Variants in NUP58 observed in about 807,000 individuals in gnomAD.
NUP58 encodes nucleoporin p58/p45.
A neutral mutation model predicts 70.1 loss-of-function variants in NUP58; 17 were observed. The ratio of observed to expected loss-of-function variants is 0.24; its 90% CI spans 0.17 to 0.36. The LOEUF (loss-of-function observed/expected upper bound fraction) is 0.36, where lower values mean the gene tolerates loss of function less well. Among genes scored for constraint, NUP58 ranks in the 10% least tolerant of loss-of-function variants. The pLI, the probability that NUP58 is intolerant of heterozygous loss-of-function variation, is 1.00. For synonymous variants in NUP58, 275 were observed against 257.6 expected (o/e 1.07, Z -0.65); for missense variants, 644 against 701.5 (o/e 0.92, Z 0.93).
At chr13:25,333,257 T>C in intron 13 of NUP58, 1 of 985,402 alleles carries the variant, frequency 1.0e-6, no homozygotes, top group Non-Finnish European at 1.2e-6. Flanking sequence ...GTGCCTACTA[T>C]GTGCTGGGCT....
At chr13:25,308,201 G>C (rs1171190271) in intron 2 of NUP58, 1 of 312,098 alleles carries the variant, frequency 3.2e-6, no homozygotes, top group Non-Finnish European at 5.8e-6. Context: ...ATATAATGTA[G>C]TGTTTTTCCT....
intron 1 of NUP58, among the ~76,000 whole-genome samples, chr13:25,305,113 G>GT (rs2030256589): frequency 7.3e-6 from 1 of 137,518 alleles, no homozygotes; most frequent in Non-Finnish European, 1.5e-5. Flanking sequence ...AAGACTAAAT[G>GT]TTTAAAGATC....
intron 3 of NUP58, among the ~76,000 whole-genome samples, chr13:25,347,771 A>T (rs1187309458): frequency 6.6e-6 from 1 of 152,200 alleles, no homozygotes; most frequent in Non-Finnish European, 1.5e-5. Flanking sequence ...GCATTAATAA[A>T]AATTCTTTCA....
At chr13:25,345,410 G>A (rs1372050313), downstream of NUP58, among the ~76,000 whole-genome samples, 4 of 152,206 alleles carry the variant, frequency 2.6e-5, no homozygotes, top group South Asian at 6.2e-4. Flanking sequence ...AGTAAGGTAA[G>A]TACCTAGGTC....
intron 1 of NUP58, among the ~76,000 whole-genome samples, chr13:25,306,086 T>G (rs2030340388): frequency 6.6e-6 from 1 of 152,182 alleles, no homozygotes; most frequent in Non-Finnish European, 1.5e-5. Flanking sequence ...TAATTCATCC[T>G]GTGCTCTGAA....
At chr13:25,332,968 A>T in intron 13 of NUP58, 3 of 985,352 alleles carry the variant, frequency 3.0e-6, no homozygotes, top group Non-Finnish European at 3.6e-6. Context: ...CCTAAAGTAG[A>T]TAAGTGTAGA....
In NUP58 at chr13:25,304,643, A is replaced by T. The variant is rs528233972; in HGVS notation, c.107+2763A>T. ...GCAATTCTCCTGCCTCAGCCTCCCA[A>T]ATAGCTGGGATTACAGGCACGCCAC... is the stretch of plus-strand genomic sequence containing the variant. On this transcript the variant is annotated intron_variant, in intron 1 of 15. Transcript: ENST00000381736. Among the ~76,000 whole-genome samples the T allele has an allele frequency of 1.6e-3, 235 of 150,930 alleles. 1 individual carries two copies. Among genetic ancestry groups the T allele is most frequent in the African/African-American group, 5.6e-3 (229 of 41,104 alleles).
intron 9 of NUP58, among the ~76,000 whole-genome samples, chr13:25,321,779 T>TG (rs367931330): frequency 5.4e-4 from 82 of 152,172 alleles, no homozygotes; most frequent in South Asian, 2.9e-3. Context: ...TAGCCAGGCG[T>TG]GGTGGTGCAT....
At chr13:25,336,895 TG>T in intron 13 of NUP58, 40 bp from the exon 14 acceptor site, 1 of 1,309,636 alleles carries the variant, frequency 7.6e-7, no homozygotes, top group Non-Finnish European at 1.1e-6. Flanking sequence ...AAGGCAAATT[TG>T]TTTTTTTTCC....
intron 13 of NUP58, chr13:25,335,213 A>G (rs969610339): frequency 8.1e-6 from 8 of 985,074 alleles, no homozygotes; most frequent in African/African-American, 1.7e-5. Context: ...TCTTGTCATC[A>G]TTAGATATGA....
chr13:25,306,954 T>C (rs1029508810), intron 1 of NUP58, among the ~76,000 whole-genome samples: 1 of 152,204 alleles, frequency 6.6e-6, no homozygotes, highest in Admixed American at 6.5e-5. Flanking sequence ...ATGTCCCCAC[T>C]AGTTTTTCTA....
chr13:25,323,515 TA>T (rs2031274103), intron 9 of NUP58, among the ~76,000 whole-genome samples: 2 of 152,292 alleles, frequency 1.3e-5, no homozygotes, highest in South Asian at 4.1e-4. Flanking sequence ...AATACTCTAC[TA>T]AGAGTCTAGT....
chr13:25,320,332 ATTG>A, intron 7 of NUP58, 195 bp from the exon 8 acceptor site: 3 of 433,482 alleles, frequency 6.9e-6, no homozygotes, highest in Non-Finnish European at 1.2e-5. Context: ...TGTCAGATGA[ATTG>A]TTAAAATTAT....
chr13:25,336,874 C>A (rs1280457465), intron 13 of NUP58, 62 bp from the exon 14 acceptor site: 1 of 1,004,162 alleles, frequency 1.0e-6, no homozygotes. Flanking sequence ...AATCTTTAAT[C>A]TTGAAAGAGT....
At chr13:25,302,961 G>C in intron 1 of NUP58, 1 of 456,620 alleles carries the variant, frequency 2.2e-6, no homozygotes, top group Non-Finnish European at 4.4e-6. Flanking sequence ...GTCATTCGTG[G>C]AACAAATATT....
chr13:25,305,150 T>TGTTG (rs1566055108), intron 1 of NUP58, among the ~76,000 whole-genome samples: 8 of 31,890 alleles, frequency 2.5e-4, no homozygotes, highest in South Asian at 1.7e-3. Flanking sequence ...TTTTTTTTTT[T>TGTTG]TTTTTTTTTT....
At chr13:25,322,952 T>C (rs556753963) in intron 9 of NUP58, among the ~76,000 whole-genome samples, 1 of 152,272 alleles carries the variant, frequency 6.6e-6, no homozygotes, top group African/African-American at 2.4e-5. Flanking sequence ...GAAAACATAA[T>C]TAGAGCAAAA....
Position 25,312,863 on chromosome 13 carries a change from T to G in NUP58, c.287-20T>G. Reference sequence around the variant, plus strand: ...GTAGGATTTTTGTTTGTTTGTTTATTCATTTATTTATTTAAATAGGAACGC... The same window carrying G: ...GTAGGATTTTTGTTTGTTTGTTTATGCATTTATTTATTTAAATAGGAACGC... On this transcript the variant is annotated intron_variant, in intron 3 of 15. Coordinates refer to ENST00000381736, the MANE Select transcript of NUP58 (RefSeq NM_014089.4). 1 of 1,564,924 alleles carries G rather than the reference T, an allele frequency of 6.4e-7. No homozygotes were observed. The highest frequency in any genetic ancestry group is 8.7e-7 in the Non-Finnish European group (1 of 1,153,616).
downstream of NUP58, among the ~76,000 whole-genome samples, chr13:25,343,857 A>G (rs140190148): frequency 7.0e-3 from 970 of 138,216 alleles, 9 homozygotes; most frequent in African/African-American, 0.025. Flanking sequence ...ACACACACAT[A>G]CATACACACA....
Sources: gnomAD v4.1 joint callset for allele counts (sites outside exome capture counted in the v4.1 genomes callset) on GRCh38, gnomAD v4.1.1 for gene constraint, MANE v1.5 for transcripts, NCBI Gene and HGNC (gene_info 2026-07-23, HGNC 2026-07-21) for gene names.